CUX1: variants seen among roughly 807,000 people sequenced by gnomAD.
The protein encoded by CUX1 is cut like homeobox 1, also known as protein CASP.
In CUX1, 31 loss-of-function variants were observed where a neutral mutation model predicts 158.8. The observed-to-expected ratio is 0.20, with a 90% CI of 0.15 to 0.26. CUX1 has a LOEUF of 0.26. Ranked by LOEUF, CUX1 falls within the 10% of genes least tolerant of loss-of-function variation. The pLI, the probability that CUX1 is intolerant of heterozygous loss-of-function variation, is 1.00. For missense variants in CUX1, 1,589 were observed against 2,014.6 expected (o/e 0.79, Z 4.04); for synonymous variants, 879 against 862.1 (o/e 1.02, Z -0.34).
At chr7:102,193,200 C>T (rs1198941580) in intron 12 of CUX1, among the ~76,000 whole-genome samples, 2 of 152,244 alleles carry the variant, frequency 1.3e-5, no homozygotes, top group Non-Finnish European at 2.9e-5. Flanking sequence ...GTGGGTTCCC[C>T]TCTCTCTGGC....
rs563100125 is a variant in CUX1, at chr7:101,864,265, A to G, written c.30+46596A>G. Among the ~76,000 whole-genome samples, 8 of 151,900 alleles carry G rather than the reference A, an allele frequency of 5.3e-5. No homozygotes were observed. The South Asian group carries it at 6.2e-4, about 12-fold the overall frequency. ...ATCCTTGACCTCCTAGGCTCAATCAATCCATCCACCTCAGCCTCCTGAGTA... is the reference window on the plus strand; with the variant it reads ...ATCCTTGACCTCCTAGGCTCAATCAGTCCATCCACCTCAGCCTCCTGAGTA... On this transcript the variant is annotated intron_variant, in intron 1 of 23. Transcript: ENST00000292535.
chr7:101,966,574 G>T (rs893545683), intron 2 of CUX1, among the ~76,000 whole-genome samples: 4 of 152,138 alleles, frequency 2.6e-5, no homozygotes, highest in South Asian at 4.1e-4. Context: ...AAGTGGGAAG[G>T]CCTGGTGATT....
intron 2 of CUX1, among the ~76,000 whole-genome samples, chr7:101,922,870 C>T (rs1290132351): frequency 2.0e-5 from 3 of 152,230 alleles, no homozygotes; most frequent in African/African-American, 7.2e-5. Context: ...CACAGCATGT[C>T]AGGAGGGAGC....
rs555598417 is a variant in CUX1 at position 102,058,354 on chromosome 7, A to C, written c.190-11985A>C. Among the ~76,000 whole-genome samples, 16 of 152,142 alleles carry C rather than the reference A, an allele frequency of 1.1e-4. No individual in the cohort carries two copies. The East Asian group carries it at 2.7e-3, about 26-fold the overall frequency. On this transcript the variant is annotated intron_variant, in intron 3 of 23. Transcript: ENST00000292535. Reference sequence around the variant, plus strand: ...AGTGGCACAATCTCGGCTCACTGCAACCTCCACCTCCAGGGTTCAAGCGAT... The same window carrying C: ...AGTGGCACAATCTCGGCTCACTGCACCCTCCACCTCCAGGGTTCAAGCGAT...
chr7:102,242,065 C>T (rs1474999477), intron 23 of CUX1, among the ~76,000 whole-genome samples: 13 of 152,190 alleles, frequency 8.5e-5, no homozygotes, highest in African/African-American at 3.1e-4. Flanking sequence ...GCAGTTAGAA[C>T]AGTGGAGGTC....
chr7:102,136,236 T>TTA (rs1833890692), intron 8 of CUX1, among the ~76,000 whole-genome samples: 2 of 152,244 alleles, frequency 1.3e-5, no homozygotes, highest in South Asian at 4.2e-4. Context: ...TTCACTCTAA[T>TTA]AAGTGCCACA....
intron 1 of CUX1, among the ~76,000 whole-genome samples, chr7:101,898,863 T>C (rs985821608): frequency 3.9e-5 from 6 of 152,210 alleles, no homozygotes; most frequent in African/African-American, 7.2e-5. Context: ...AGTGCTGGGA[T>C]TACAAAGCAT....
At position 102,257,359 on chromosome 7, in the gene CUX1, CA is replaced by C; in HGVS notation, c.*8318del. The C allele has an allele frequency of 1.0e-6, 1 of 984,394 alleles. No homozygotes were observed. The highest frequency in any genetic ancestry group is 1.1e-4 in the East Asian group (1 of 8,776). The allele number at this position is 984,394 out of a possible 1,614,324, so 61.0% of individuals were successfully genotyped here. ...GTCTATGCATTTCTCTCTCTCAAAC[CA>C]TCTTCTGCCTCTTCCCTTGAGAAAA... On this transcript the variant is annotated 3_prime_UTR_variant, in exon 24 of 24. Coordinates refer to ENST00000292535, the MANE Select transcript of CUX1 (RefSeq NM_181552.4).
intron 3 of CUX1, among the ~76,000 whole-genome samples, chr7:102,052,889 C>T (rs985624262): frequency 6.6e-6 from 1 of 151,500 alleles, no homozygotes; most frequent in African/African-American, 2.4e-5. Flanking sequence ...CTCAGTGCAA[C>T]CTCTGCCTCG....
intron 11 of CUX1, among the ~76,000 whole-genome samples, chr7:102,186,320 G>T (rs184736051): frequency 1.8e-3 from 277 of 152,168 alleles, no homozygotes; most frequent in Non-Finnish European, 3.1e-3. Flanking sequence ...CCTCCCCTAG[G>T]CTCCATCCAG....
intron 1 of CUX1, among the ~76,000 whole-genome samples, chr7:101,854,096 C>T (rs1796549953): frequency 6.6e-6 from 1 of 152,172 alleles, no homozygotes; most frequent in African/African-American, 2.4e-5. Flanking sequence ...CTTTCCTGTC[C>T]TCTTTGTCAG....
chr7:102,039,792 A>G (rs1242660082), intron 3 of CUX1, among the ~76,000 whole-genome samples: 1 of 151,892 alleles, frequency 6.6e-6, no homozygotes, highest in East Asian at 1.9e-4. Flanking sequence ...TCTCGTGTAC[A>G]TCCATAACTG....
At chr7:102,091,920 T>A (rs950460485) in intron 4 of CUX1, among the ~76,000 whole-genome samples, 1 of 152,186 alleles carries the variant, frequency 6.6e-6, no homozygotes, top group African/African-American at 2.4e-5. Context: ...TACACCCAGC[T>A]AATTTTTGTA....
At chr7:102,260,481 G>C (rs1016232849), downstream of CUX1, among the ~76,000 whole-genome samples, 1 of 146,296 alleles carries the variant, frequency 6.8e-6, no homozygotes, top group African/African-American at 2.5e-5. Flanking sequence ...ATCTCGGCTC[G>C]CTGCAACCTC....
At chr7:101,839,942 A>G (rs1795041356) in intron 1 of CUX1, among the ~76,000 whole-genome samples, 1 of 152,066 alleles carries the variant, frequency 6.6e-6, no homozygotes, top group Non-Finnish European at 1.5e-5. Context: ...TTGTATTTTT[A>G]GTACAGATGG....
intron 1 of CUX1, among the ~76,000 whole-genome samples, chr7:101,827,244 C>CTTCTCTTCTCTTCTCTTCT (rs1554381496): frequency 1.5e-5 from 2 of 129,676 alleles, no homozygotes; most frequent in Non-Finnish European, 3.2e-5. Context: ...CCCCTCCCCT[C>CTTCTCTTCTCTTCTCTTCT]CTTCTCTTCT....
intron 15 of CUX1, 74 bp downstream of exon 15, chr7:102,197,379 CGT>C (rs1794903978): frequency 6.8e-7 from 1 of 1,475,504 alleles, no homozygotes; most frequent in South Asian, 1.2e-5. Flanking sequence ...TGCATGCGTG[CGT>C]GTGTCTGTGT....
chr7:102,007,195 G>T (rs1460849699), intron 2 of CUX1, among the ~76,000 whole-genome samples: 2 of 152,190 alleles, frequency 1.3e-5, no homozygotes, highest in African/African-American at 4.8e-5. Flanking sequence ...AGGCTGGAGT[G>T]CAGGGGCGCG....
chr7:101,911,796 T>C (rs953767177), intron 1 of CUX1, among the ~76,000 whole-genome samples: 3 of 152,186 alleles, frequency 2.0e-5, no homozygotes, highest in Admixed American at 6.5e-5. Flanking sequence ...CAGCGAGTGC[T>C]GGGGGTGTAA....
Sources: allele counts gnomAD v4.1 joint callset (sites outside exome capture counted in the v4.1 genomes callset), GRCh38; gene constraint gnomAD v4.1.1; transcripts MANE v1.5; gene names NCBI Gene and HGNC (gene_info 2026-07-23, HGNC 2026-07-21).